Variants in GPC6 observed in about 807,000 individuals in gnomAD.
GPC6 encodes the protein glypican 6.
A neutral mutation model predicts 55.2 loss-of-function variants in GPC6; 14 were observed. The observed-to-expected ratio is 0.25, with a 90% CI of 0.17 to 0.40. GPC6 has a LOEUF of 0.40. Ranked by LOEUF, GPC6 falls within the 10% of genes least tolerant of loss-of-function variation. GPC6 has a pLI of 1.00. For synonymous variants in GPC6, 278 were observed against 259.6 expected (o/e 1.07, Z -0.68); for missense variants, 641 against 708.5 (o/e 0.90, Z 1.08).
chr13:94,339,660 A>T (rs1168372411), intron 6 of GPC6, among the ~76,000 whole-genome samples: 1 of 148,918 alleles, frequency 6.7e-6, no homozygotes, highest in Admixed American at 6.7e-5. Flanking sequence ...ATGGAGTGAG[A>T]TGTAGTCCTT....
At chr13:93,744,308 G>A (rs1008440650) in intron 2 of GPC6, among the ~76,000 whole-genome samples, 1 of 151,950 alleles carries the variant, frequency 6.6e-6, no homozygotes, top group African/African-American at 2.4e-5. Context: ...TCCTTACATT[G>A]ATGAAGCTCG....
chr13:93,893,814 AT>A (rs1442827098), intron 3 of GPC6, among the ~76,000 whole-genome samples: 1 of 152,100 alleles, frequency 6.6e-6, no homozygotes, highest in Admixed American at 6.6e-5. Context: ...CTCTTAATTA[AT>A]TTTTTTCATC....
At chr13:93,368,131 G>A (rs1239588536) in intron 1 of GPC6, among the ~76,000 whole-genome samples, 1 of 151,972 alleles carries the variant, frequency 6.6e-6, no homozygotes, top group Non-Finnish European at 1.5e-5. Flanking sequence ...ACACCTCTAT[G>A]ATTGCTTTGT....
At chr13:93,583,470 G>C (rs1877039854) in intron 2 of GPC6, among the ~76,000 whole-genome samples, 1 of 152,024 alleles carries the variant, frequency 6.6e-6, no homozygotes, top group African/African-American at 2.4e-5. Context: ...CCATGCTGGA[G>C]TGCAGTGGCG....
chr13:94,145,137 G>GTGGATGGA (rs112864050), intron 4 of GPC6, among the ~76,000 whole-genome samples: 24,192 of 149,872 alleles, frequency 0.16, 2,448 homozygotes, highest in African/African-American at 0.28. Context: ...GGATGGATGG[G>GTGGATGGA]TGGATGGATG....
chr13:93,675,250 T>G (rs1881541815), intron 2 of GPC6, among the ~76,000 whole-genome samples: 1 of 152,100 alleles, frequency 6.6e-6, no homozygotes, highest in South Asian at 2.1e-4. Flanking sequence ...GTTTAGGGGT[T>G]TTTAATTATG....
At chr13:93,696,124 C>T (rs938342924) in intron 2 of GPC6, among the ~76,000 whole-genome samples, 1 of 152,034 alleles carries the variant, frequency 6.6e-6, no homozygotes, top group Non-Finnish European at 1.5e-5. Context: ...TAAGTCTCTG[C>T]GAACATGCTG....
intron 4 of GPC6, among the ~76,000 whole-genome samples, chr13:94,264,730 T>C (rs753133341): frequency 9.9e-5 from 15 of 152,202 alleles, no homozygotes; most frequent in Non-Finnish European, 2.2e-4. Context: ...TGACAACTCA[T>C]GTGTATTAGT....
At chr13:93,420,282 A>G (rs751296611) in intron 1 of GPC6, among the ~76,000 whole-genome samples, 16 of 152,128 alleles carry the variant, frequency 1.1e-4, no homozygotes, top group Non-Finnish European at 1.9e-4. Context: ...TCATAGTCCT[A>G]GTTTGCTCTC....
intron 4 of GPC6, among the ~76,000 whole-genome samples, chr13:94,265,512 T>G (rs142147417): frequency 9.3e-4 from 142 of 152,248 alleles, no homozygotes; most frequent in African/African-American, 3.1e-3. Flanking sequence ...CCTTTCCCAG[T>G]CCACTGACTC....
At chr13:94,294,190 A>C (rs2139096175) in intron 5 of GPC6, among the ~76,000 whole-genome samples, 1 of 152,308 alleles carries the variant, frequency 6.6e-6, no homozygotes, top group Middle Eastern at 3.4e-3. Context: ...GGGAAGATGA[A>C]ACTGATCTCA....
chr13:93,730,687 G>A (rs543031688), intron 2 of GPC6, among the ~76,000 whole-genome samples: 125 of 152,302 alleles, frequency 8.2e-4, no homozygotes, highest in African/African-American at 3.0e-3. Flanking sequence ...AGCACACTGA[G>A]TTAATTATAT....
intron 4 of GPC6, among the ~76,000 whole-genome samples, chr13:94,216,724 A>G (rs926515785): frequency 3.3e-5 from 5 of 152,302 alleles, no homozygotes; most frequent in East Asian, 1.9e-4. Flanking sequence ...TCCACTTTAA[A>G]AAGCCTCAGT....
intron 3 of GPC6, among the ~76,000 whole-genome samples, chr13:93,945,737 T>C (rs1412649762): frequency 6.6e-6 from 1 of 152,204 alleles, no homozygotes; most frequent in African/African-American, 2.4e-5. Context: ...CCACTGCCCA[T>C]TTGTATATTC....
Position 94,385,320 on chromosome 13 carries a change from C to T in GPC6, c.1289+2770C>T, listed in dbSNP as rs72636607. 1.2e-3 allele frequency among the ~76,000 whole-genome samples: 186 copies of T among 152,008 alleles called. 1 individual carries two copies. In the Middle Eastern group the frequency reaches 0.041, roughly 34 times the overall value. ...GTGAGCCCAGTGAACCTGGAAACAT[C>T]AGTACCCTACTGCTAGACTGCAGGT... On this transcript the variant is annotated intron_variant, in intron 7 of 8. Transcript: ENST00000377047.
intron 6 of GPC6, among the ~76,000 whole-genome samples, chr13:94,360,432 T>C (rs571182243): frequency 6.6e-6 from 1 of 152,314 alleles, no homozygotes; most frequent in South Asian, 2.1e-4. Context: ...TCATCTGTCT[T>C]TGGACCTCCT....
At position 93,366,076 on chromosome 13, in the gene GPC6, G is replaced by A. The variant is rs34969686; in HGVS notation, c.160+138460G>A. ...TACACTATATATCTCTGGTCAGAGT[G>A]TCAACCTGATTTGTATGCAGCAGAA... On this transcript the variant is annotated intron_variant, in intron 1 of 8. Transcript: ENST00000377047. Among the ~76,000 whole-genome samples, 434 of 152,142 alleles carry A rather than the reference G, an allele frequency of 2.9e-3. 3 individuals are homozygous for A. Among genetic ancestry groups the A allele is most frequent in the Non-Finnish European group, 4.8e-3 (327 of 67,992 alleles).
At chr13:93,449,720 C>T (rs180695886) in intron 1 of GPC6, among the ~76,000 whole-genome samples, 2,531 of 151,538 alleles carry the variant, frequency 0.017, 105 homozygotes, top group Admixed American at 0.091. Context: ...CCCAGCTACT[C>T]GGGAGGCTGA....
chr13:93,327,572 A>G (rs1014936956), intron 1 of GPC6, among the ~76,000 whole-genome samples: 2 of 152,152 alleles, frequency 1.3e-5, no homozygotes, highest in African/African-American at 4.8e-5. Context: ...TTAACATCAG[A>G]AGACCTGGAT....
Sources: allele counts gnomAD v4.1 joint callset (sites outside exome capture counted in the v4.1 genomes callset), GRCh38; gene constraint gnomAD v4.1.1; transcripts MANE v1.5; gene names NCBI Gene and HGNC (gene_info 2026-07-23, HGNC 2026-07-21).